Variants in AKAP12 observed in about 807,000 individuals in gnomAD.
The protein encoded by AKAP12 is A-kinase anchor protein 12.
In AKAP12, 32 loss-of-function variants were observed where a neutral mutation model predicts 79.9. The observed-to-expected ratio is 0.40, with a 90% CI of 0.30 to 0.54. AKAP12 has a LOEUF of 0.54. AKAP12 is among the 20% of genes least tolerant of loss of function. AKAP12 has a pLI of 0.48. For missense variants in AKAP12, 2,074 were observed against 2,177.0 expected, an observed-to-expected ratio of 0.95 and a Z score of 0.94; for synonymous variants, 808 against 857.0, an observed-to-expected ratio of 0.94 and a Z score of 1.00.
intron 3 of AKAP12, among the ~76,000 whole-genome samples, chr6:151,312,600 G>A (rs1002949837): frequency 6.6e-6 from 1 of 152,084 alleles, no homozygotes; most frequent in Non-Finnish European, 1.5e-5. Context: ...GACCATCCAG[G>A]CTAACACGGT....
chr6:151,240,593 A>C lies in AKAP12; in HGVS notation c.31A>C (p.Ser11Arg). 7.0e-7 allele frequency: 1 copy of C among 1,426,992 alleles called. No homozygotes were observed. Among genetic ancestry groups the C allele is most frequent in the Non-Finnish European group, 9.1e-7 (1 of 1,095,694 alleles). The allele number at this position is 1,426,992 out of a possible 1,614,324, so 88.4% of individuals were successfully genotyped here. The change falls in exon 2 of 5, where the codon AGC (serine) becomes CGC (arginine). Residue 11 changes from serine (S) to arginine (R), a missense_variant. Physicochemically the swap from Ser to Arg is moderately radical, Grantham distance 110. Transcript: ENST00000402676. Reference sequence around the variant, plus strand: ...CGCCGGGAGCTCCACCGAGCAGCGCAGCCCGGAGCAGCCGCCCGAGGGGAG... The same window carrying C: ...CGCCGGGAGCTCCACCGAGCAGCGCCGCCCGGAGCAGCCGCCCGAGGGGAG... MGAGSSTEQR[S>R]PEQPPEGSST...
intron 2 of AKAP12, among the ~76,000 whole-genome samples, chr6:151,259,424 A>G (rs1460799962): frequency 1.3e-5 from 2 of 149,560 alleles, no homozygotes; most frequent in Admixed American, 6.8e-5. Flanking sequence ...ATGTATATAT[A>G]TATGTGTGTG....
chr6:151,334,708 G>A (rs1282742892), intron 3 of AKAP12, among the ~76,000 whole-genome samples: 5 of 150,534 alleles, frequency 3.3e-5, no homozygotes, highest in Admixed American at 6.6e-5. Context: ...GGCAAGCTCC[G>A]CCTCCCGGGT....
intron 3 of AKAP12, among the ~76,000 whole-genome samples, chr6:151,327,858 T>C (rs569059446): frequency 6.6e-6 from 1 of 152,250 alleles, no homozygotes; most frequent in East Asian, 1.9e-4. Flanking sequence ...GCACAGAAAA[T>C]CTTAACTCCA....
intron 2 of AKAP12, among the ~76,000 whole-genome samples, chr6:151,269,617 G>T (rs1012000229): frequency 1.3e-5 from 2 of 152,162 alleles, no homozygotes; most frequent in African/African-American, 4.8e-5. Flanking sequence ...TTTACCCCAG[G>T]AAGATATCTC....
At position 151,298,353 on chromosome 6, in the gene AKAP12, C is replaced by T. The variant is rs542162298; in HGVS notation, c.163-7394C>T. Reference sequence around the variant, plus strand: ...CCAGAGCTTTCATTTTAGAGAAGAACGCAGGCATGGAACAAGTAATTCCCA... The same window carrying T: ...CCAGAGCTTTCATTTTAGAGAAGAATGCAGGCATGGAACAAGTAATTCCCA... On this transcript the variant is annotated intron_variant, in intron 2 of 4. Coordinates refer to ENST00000402676, the MANE Select transcript of AKAP12 (RefSeq NM_005100.4). Among the ~76,000 whole-genome samples, 672 of 152,204 alleles carry T rather than the reference C, an allele frequency of 4.4e-3. 5 individuals carry two copies. The highest frequency in any genetic ancestry group is 0.015 in the African/African-American group (613 of 41,516).
chr6:151,311,155 A>G (rs183255240), intron 3 of AKAP12, among the ~76,000 whole-genome samples: 1 of 152,308 alleles, frequency 6.6e-6, no homozygotes. Flanking sequence ...GCTTTTGTAG[A>G]AACAGGTTCT....
At chr6:151,298,979 T>C (rs184878471) in intron 2 of AKAP12, 2 of 152,244 alleles carry the variant, frequency 1.3e-5, no homozygotes, top group Non-Finnish European at 1.5e-5. Context: ...GGGGAAGATA[T>C]GAGGGAGGTA....
chr6:151,240,700 C>T lies in AKAP12; in HGVS notation c.138C>T (p.Ile46=), dbSNP rs1796953868. Residue 46 remains isoleucine (I), a synonymous_variant, in exon 2 of 5, where the codon ATC becomes ATT. Coordinates refer to ENST00000402676, the MANE Select transcript of AKAP12 (RefSeq NM_005100.4). ...CAGACACCACCGCGGACCCCGCCAT[C>T]GCTGCCTCGGACCCCGCCACCAAGG... The part of the protein sequence containing the change: ...AAPDTTADPA[I]AASDPATKLL... 6 of 1,245,176 alleles carry T rather than the reference C, an allele frequency of 4.8e-6. No individual in the cohort carries two copies. The highest frequency in any genetic ancestry group is 1.6e-5 in the African/African-American group (1 of 63,014). 77.1% of individuals were successfully genotyped at this position (1,245,176 alleles called of 1,614,324 possible).
At chr6:151,327,695 A>G (rs941310848) in intron 3 of AKAP12, among the ~76,000 whole-genome samples, 6 of 152,242 alleles carry the variant, frequency 3.9e-5, no homozygotes, top group African/African-American at 1.4e-4. Flanking sequence ...GATAATCCCA[A>G]TGGAGTGATA....
intron 3 of AKAP12, among the ~76,000 whole-genome samples, chr6:151,341,355 C>T (rs1183701610): frequency 2.0e-5 from 3 of 152,054 alleles, no homozygotes; most frequent in Non-Finnish European, 4.4e-5. Context: ...CGCCAGGCCT[C>T]GAGGCCCTTT....
Position 151,275,628 on chromosome 6 carries a change from T to G in AKAP12, c.163-30119T>G, listed in dbSNP as rs186912042. Among the ~76,000 whole-genome samples, 7 of 152,302 alleles carry G rather than the reference T, an allele frequency of 4.6e-5. No homozygotes were observed. In the East Asian group the frequency reaches 1.3e-3, roughly 29 times the overall value. On this transcript the variant is annotated intron_variant, in intron 2 of 4. Coordinates refer to ENST00000402676, the MANE Select transcript of AKAP12 (RefSeq NM_005100.4). ...TTTTTATCAGAATACTTTAATACAT[T>G]TTACATTGATTTAGGAATTTGGATG...
chr6:151,304,482 C>T (rs151242410), intron 2 of AKAP12, among the ~76,000 whole-genome samples: 3,278 of 42,388 alleles, frequency 0.077, 193 homozygotes, highest in African/African-American at 0.17. Context: ...CAGTGACACT[C>T]CATCTCAAAA....
chr6:151,290,182 T>C (rs1163530424), intron 2 of AKAP12, among the ~76,000 whole-genome samples: 2 of 152,158 alleles, frequency 1.3e-5, no homozygotes, highest in Non-Finnish European at 2.9e-5. Flanking sequence ...CTAGAATTGT[T>C]GAATTCCTTC....
chr6:151,299,325 T>A (rs1211824380), intron 2 of AKAP12, among the ~76,000 whole-genome samples: 2 of 152,194 alleles, frequency 1.3e-5, no homozygotes, highest in Non-Finnish European at 2.9e-5. Flanking sequence ...AGCCTAAGAA[T>A]CTATGAGTTT....
At chr6:151,322,200 G>A (rs375060172) in intron 3 of AKAP12, among the ~76,000 whole-genome samples, 9 of 151,996 alleles carry the variant, frequency 5.9e-5, no homozygotes, top group African/African-American at 1.2e-4. Flanking sequence ...GAGCCACCGC[G>A]CCCAACCTGT....
At chr6:151,241,407 C>T (rs1393901813) in intron 2 of AKAP12, among the ~76,000 whole-genome samples, 2 of 152,254 alleles carry the variant, frequency 1.3e-5, no homozygotes, top group Non-Finnish European at 2.9e-5. Context: ...CCCTCGCGTT[C>T]GCTCAGCGCT....
chr6:151,336,541 T>C (rs2114801596), intron 3 of AKAP12, among the ~76,000 whole-genome samples: 1 of 152,266 alleles, frequency 6.6e-6, no homozygotes, highest in African/African-American at 2.4e-5. Flanking sequence ...AGTCAGCAGT[T>C]CAAGACCAAC....
At chr6:151,355,034 C>T (rs1301671884) in intron 4 of AKAP12, among the ~76,000 whole-genome samples, 3 of 152,080 alleles carry the variant, frequency 2.0e-5, no homozygotes, top group Non-Finnish European at 2.9e-5. Flanking sequence ...CTCACTCTGT[C>T]ACCCCGACTG....
Sources: allele counts gnomAD v4.1 joint callset (sites outside exome capture counted in the v4.1 genomes callset), GRCh38; gene constraint gnomAD v4.1.1; transcripts MANE v1.5; gene names NCBI Gene and HGNC (gene_info 2026-07-23, HGNC 2026-07-21).